The following FGFR2 variants were observed in gnomAD, a reference collection of about 807,000 sequenced individuals.
FGFR2 encodes the protein fibroblast growth factor receptor 2, also known as BEK fibroblast growth factor receptor.
FGFR2 carries 19 observed loss-of-function variants against 95.9 expected under a neutral mutation model. The observed-to-expected ratio is 0.20, with a 90% CI of 0.14 to 0.29. The LOEUF is 0.29. Ranked by LOEUF, FGFR2 falls within the 10% of genes least tolerant of loss-of-function variation. FGFR2 has a pLI of 1.00. For synonymous variants in FGFR2, 392 were observed against 393.3 expected, an observed-to-expected ratio of 1.00 and a Z score of 0.04; for missense variants, 707 against 1,056.9, an observed-to-expected ratio of 0.67 and a Z score of 4.59.
intron 9 of FGFR2, among the ~76,000 whole-genome samples, chr10:121,507,342 C>T (rs1283827738): frequency 6.6e-6 from 1 of 152,196 alleles, no homozygotes; most frequent in African/African-American, 2.4e-5. Flanking sequence ...AATCCTAGCA[C>T]TTTGGGAAGC....
At chr10:121,569,536 T>C (rs553070976) in intron 2 of FGFR2, among the ~76,000 whole-genome samples, 2 of 152,328 alleles carry the variant, frequency 1.3e-5, no homozygotes, top group South Asian at 4.1e-4. Flanking sequence ...CTTGGATTGC[T>C]ATCTCCAGAT....
chr10:121,556,437 A>ACTCTCTCTCTCTCTCTCTCTC (rs1856169986), intron 4 of FGFR2, among the ~76,000 whole-genome samples: 1 of 119,224 alleles, frequency 8.4e-6, no homozygotes, highest in African/African-American at 4.8e-5. Context: ...CTCTCTCTGG[A>ACTCTCTCTCTCTCTCTCTCTC]ACCAAAAAAC....
intron 5 of FGFR2, among the ~76,000 whole-genome samples, chr10:121,543,566 C>T (rs1327395469): frequency 6.6e-6 from 1 of 152,156 alleles, no homozygotes; most frequent in Non-Finnish European, 1.5e-5. Context: ...CCCAGTCCCC[C>T]ACTTTCAGCA....
At position 121,483,695 on chromosome 10, in the gene FGFR2, T is replaced by C. The variant is rs1589707728; in HGVS notation, c.2301+3A>G. The C allele has an allele frequency of 6.2e-7, 1 of 1,610,960 alleles. No homozygotes were observed. The highest frequency in any genetic ancestry group is 8.5e-7 in the Non-Finnish European group (1 of 1,177,460). On this transcript the variant is annotated splice_donor_region_variant and intron_variant, in intron 17 of 17. Coordinates refer to ENST00000358487, the MANE Select transcript of FGFR2 (RefSeq NM_000141.5). Reference sequence around the variant, plus strand: ...CAAGGGGCTTCTAGAAGGAAGTTCTTACCTCATTGGTTGTGAGAGTGAGAA... The same window carrying C: ...CAAGGGGCTTCTAGAAGGAAGTTCTCACCTCATTGGTTGTGAGAGTGAGAA...
chr10:121,590,457 T>C (rs1048720038), intron 2 of FGFR2, among the ~76,000 whole-genome samples: 2 of 152,110 alleles, frequency 1.3e-5, no homozygotes, highest in Non-Finnish European at 2.9e-5. Context: ...AATAACCATG[T>C]TTTCACTCCT....
At chr10:121,580,070 G>A (rs932505128) in intron 2 of FGFR2, among the ~76,000 whole-genome samples, 2 of 152,146 alleles carry the variant, frequency 1.3e-5, no homozygotes, top group Non-Finnish European at 2.9e-5. Context: ...TCCAGATCCC[G>A]TTTGACATTT....
chr10:121,504,062 G>A, intron 9 of FGFR2, 121 bp from the exon 10 acceptor site: 1 of 1,175,168 alleles, frequency 8.5e-7, no homozygotes, highest in Non-Finnish European at 1.2e-6. Flanking sequence ...GCTGGCAGAA[G>A]TCAGAAACCA....
Position 121,565,471 on chromosome 10 carries a change from T to A in FGFR2, c.343A>T (p.Ser115Cys), listed in dbSNP as rs1170178043. Residue 115 changes from serine (S) to cysteine (C), a missense_variant, in exon 3 of 18, where the codon AGT becomes TGT. Ser to Cys is a moderately radical substitution (Grantham distance 112). Around this residue, in one of 7 missense-constraint regions of FGFR2, gnomAD observed 178 missense variants for 194.1 expected, o/e 0.92. Transcript: ENST00000358487. The part of the protein sequence containing the change: ...YACTASRTVD[S>C]ETWYFMVNVT... ...TTCACCATGAAGTACCAAGTTTCACTGTCTACAGTCCTACTGGCAGTACAA... is the reference window on the plus strand; with the variant it reads ...TTCACCATGAAGTACCAAGTTTCACAGTCTACAGTCCTACTGGCAGTACAA... 6.2e-7 allele frequency: 1 copy of A among 1,614,244 alleles called. No individual in the cohort carries two copies. Among genetic ancestry groups the A allele is most frequent in the Non-Finnish European group, 8.5e-7 (1 of 1,180,040 alleles).
At chr10:121,593,497 G>C (rs1313391911) in intron 2 of FGFR2, among the ~76,000 whole-genome samples, 1 of 152,090 alleles carries the variant, frequency 6.6e-6, no homozygotes, top group African/African-American at 2.4e-5. Context: ...CACACAGCAA[G>C]AAACCACCAA....
rs1207348803 is a variant in FGFR2 at position 121,588,617 on chromosome 10, G to GA, written c.109+5091dup. On this transcript the variant is annotated intron_variant, in intron 2 of 17. Transcript: ENST00000358487. ...TCATATGGGATACAGCAAAAAGATG[G>GA]AAAAAAATGCAAAACTTAAGGCTAG... Among the ~76,000 whole-genome samples the GA allele has an allele frequency of 1.8e-4, 27 of 152,104 alleles. No homozygotes were observed. In the East Asian group the frequency reaches 4.4e-3, roughly 25 times the overall value.
At chr10:121,540,754 TA>T (rs1208796729) in intron 5 of FGFR2, among the ~76,000 whole-genome samples, 1 of 152,182 alleles carries the variant, frequency 6.6e-6, no homozygotes. Flanking sequence ...CTGCTGTAAA[TA>T]TTCAGTTCTT....
chr10:121,529,113 T>C (rs1851766606), intron 6 of FGFR2, among the ~76,000 whole-genome samples: 1 of 151,824 alleles, frequency 6.6e-6, no homozygotes, highest in Non-Finnish European at 1.5e-5. Flanking sequence ...TTTTAATTTT[T>C]TTTGTTTGTT....
rs755474100 is a variant in FGFR2 at position 121,482,193 on chromosome 10, C to A, written c.2301+1505G>T. Reference sequence around the variant, plus strand: ...ACTTTCAGATCTGATAGGAAAAAAACAGGGATATCAGTAGATTCCAAGTCT... The same window carrying A: ...ACTTTCAGATCTGATAGGAAAAAAAAAGGGATATCAGTAGATTCCAAGTCT... On this transcript the variant is annotated intron_variant, in intron 17 of 17. Coordinates refer to ENST00000358487, the MANE Select transcript of FGFR2 (RefSeq NM_000141.5). 4 of 1,611,662 alleles carry A rather than the reference C, an allele frequency of 2.5e-6. No individual in the cohort carries two copies. The East Asian group carries it at 8.9e-5, about 36-fold the overall frequency.
Position 121,596,267 on chromosome 10 carries a change from A to G in FGFR2, c.-151+1695T>C, listed in dbSNP as rs569013913. On this transcript the variant is annotated intron_variant, in intron 1 of 17. Coordinates refer to ENST00000358487, the MANE Select transcript of FGFR2 (RefSeq NM_000141.5). Reference sequence around the variant, plus strand: ...CCCCGGTCCATTTTCACCTCGGCACAAGCCTGCCCCCAAAGACAGGCAGAG... The same window carrying G: ...CCCCGGTCCATTTTCACCTCGGCACGAGCCTGCCCCCAAAGACAGGCAGAG... Among the ~76,000 whole-genome samples, 4 of 152,220 alleles carry G rather than the reference A, an allele frequency of 2.6e-5. No homozygotes were observed. In the East Asian group the frequency reaches 7.7e-4, roughly 29 times the overall value.
At chr10:121,555,266 G>A (rs951637158) in intron 4 of FGFR2, among the ~76,000 whole-genome samples, 12 of 152,114 alleles carry the variant, frequency 7.9e-5, no homozygotes, top group African/African-American at 2.9e-4. Context: ...CCAGCTACTA[G>A]GGAGGGTGAG....
rs183028921 is a variant in FGFR2, at chr10:121,597,305, G to C, written c.-151+657C>G. Reference sequence around the variant, plus strand: ...CCTGCGCTTTCGACATCTCCCAGCCGCTGCGGCAGAGCAGGCAGGCGAACT... The same window carrying C: ...CCTGCGCTTTCGACATCTCCCAGCCCCTGCGGCAGAGCAGGCAGGCGAACT... On this transcript the variant is annotated intron_variant, in intron 1 of 17. Coordinates refer to ENST00000358487, the MANE Select transcript of FGFR2 (RefSeq NM_000141.5). 3.5e-3 allele frequency among the ~76,000 whole-genome samples: 540 copies of C among 152,346 alleles called. 5 individuals are homozygous for C. Among genetic ancestry groups the C allele is most frequent in the Admixed American group, 5.5e-3 (84 of 15,310 alleles).
intron 1 of FGFR2, among the ~76,000 whole-genome samples, chr10:121,594,771 G>T (rs1337139584): frequency 6.6e-6 from 1 of 152,222 alleles, no homozygotes; most frequent in Non-Finnish European, 1.5e-5. Context: ...AAACTGAGCA[G>T]ATGCAAATTC....
At chr10:121,527,913 T>C (rs1851605556) in intron 6 of FGFR2, 2 of 152,350 alleles carry the variant, frequency 1.3e-5, no homozygotes, top group East Asian at 1.9e-4. Context: ...CCACTTGCCA[T>C]AGGGGTGCAA....
chr10:121,573,311 A>C (rs1452169159), intron 2 of FGFR2, among the ~76,000 whole-genome samples: 1 of 152,168 alleles, frequency 6.6e-6, no homozygotes, highest in Admixed American at 6.5e-5. Context: ...AGCTCCCTCC[A>C]TTACTTTTCA....
Sources: allele counts gnomAD v4.1 joint callset (sites outside exome capture counted in the v4.1 genomes callset), GRCh38; gene constraint gnomAD v4.1.1; regional missense constraint gnomAD v4.1.1; transcripts MANE v1.5; gene names NCBI Gene and HGNC (gene_info 2026-07-23, HGNC 2026-07-21).